The following IMMP2L variants were observed in gnomAD, a reference collection of about 807,000 sequenced individuals.
The protein encoded by IMMP2L is inner mitochondrial membrane peptidase subunit 2, also known as mitochondrial inner membrane protease subunit 2.
IMMP2L carries 18 observed loss-of-function variants against 19.3 expected under a neutral mutation model. The observed-to-expected ratio is 0.93, with a 90% CI of 0.64 to 1.38. The LOEUF is 1.38. Ranked by LOEUF, IMMP2L falls within the 40% of genes most tolerant of loss-of-function variation. The probability of loss-of-function intolerance (pLI) is 0.00; values close to 1 mark genes in which losing one functional copy is unlikely to be tolerated. For synonymous variants in IMMP2L, 76 were observed against 73.0 expected, an observed-to-expected ratio of 1.04 and a Z score of -0.21; for missense variants, 233 against 218.2, an observed-to-expected ratio of 1.07 and a Z score of -0.43.
At chr7:110,959,197 T>C (rs1044472168) in intron 4 of IMMP2L, among the ~76,000 whole-genome samples, 1 of 151,950 alleles carries the variant, frequency 6.6e-6, no homozygotes, top group African/African-American at 2.4e-5. Flanking sequence ...TTATGAAATA[T>C]CAAATTCTTT....
At chr7:111,440,525 C>T (rs62464573) in intron 3 of IMMP2L, among the ~76,000 whole-genome samples, 1,936 of 151,900 alleles carry the variant, frequency 0.013, 39 homozygotes, top group Admixed American at 0.025. Flanking sequence ...AAGAATGAGC[C>T]TAAAATATTC....
chr7:111,130,767 T>C (rs1188794810), intron 3 of IMMP2L, among the ~76,000 whole-genome samples: 1 of 152,094 alleles, frequency 6.6e-6, no homozygotes, highest in Non-Finnish European at 1.5e-5. Context: ...CAAATGGTCT[T>C]TCAAAAGAAT....
chr7:111,552,568 G>A (rs927369229), intron 1 of IMMP2L, among the ~76,000 whole-genome samples: 2 of 152,152 alleles, frequency 1.3e-5, no homozygotes, highest in African/African-American at 4.8e-5. Context: ...GATTACAGGT[G>A]TGAGCCACCA....
rs1841439220 is a variant in IMMP2L at position 111,473,364 on chromosome 7, C to T, written c.239+13874G>A. Among the ~76,000 whole-genome samples the T allele has an allele frequency of 2.0e-5, 3 of 151,994 alleles. No individual in the cohort carries two copies. The South Asian group carries it at 6.2e-4, about 32-fold the overall frequency. On this transcript the variant is annotated intron_variant, in intron 3 of 5. Coordinates refer to ENST00000405709, the MANE Select transcript of IMMP2L (RefSeq NM_032549.4). ...CTGGACTCCTATGTGGCAGCCTCCC[C>T]CAAAATACAAAATACAAAAAAATAC...
intron 3 of IMMP2L, among the ~76,000 whole-genome samples, chr7:111,399,933 C>T (rs1310764470): frequency 1.3e-5 from 2 of 151,822 alleles, no homozygotes; most frequent in Admixed American, 1.3e-4. Flanking sequence ...CTATGTAGAA[C>T]ACATCAATTA....
rs749316462 is a variant in IMMP2L, at chr7:110,963,584, A to T, written c.240-19T>A. The T allele has an allele frequency of 2.1e-6, 3 of 1,459,170 alleles. No individual in the cohort carries two copies. The highest frequency in any genetic ancestry group is 2.9e-6 in the Non-Finnish European group (3 of 1,046,848). The allele number at this position is 1,459,170 out of a possible 1,614,324, so 90.4% of individuals were successfully genotyped here. ...AGGAGACCTAGAACAAGAAGATAAC[A>T]TTATACAATCAGTTATGTCTATGTT... On this transcript the variant is annotated intron_variant, in intron 3 of 5. Coordinates refer to ENST00000405709, the MANE Select transcript of IMMP2L (RefSeq NM_032549.4).
intron 3 of IMMP2L, among the ~76,000 whole-genome samples, chr7:111,211,423 C>T (rs1266651085): frequency 6.6e-6 from 1 of 152,066 alleles, no homozygotes; most frequent in Non-Finnish European, 1.5e-5. Context: ...TTAAAGCATG[C>T]CGCAATTCAA....
intron 3 of IMMP2L, among the ~76,000 whole-genome samples, chr7:111,120,240 T>C (rs902520297): frequency 6.6e-6 from 1 of 152,012 alleles, no homozygotes; most frequent in Admixed American, 6.6e-5. Flanking sequence ...TAGAGACATA[T>C]CCAAGACTGA....
rs146235541 is a variant in IMMP2L, at chr7:111,345,307, T to C, written c.239+141931A>G. Among the ~76,000 whole-genome samples the C allele has an allele frequency of 4.5e-3, 689 of 152,236 alleles. 21 individuals carry two copies. Among genetic ancestry groups the C allele is most frequent in the Admixed American group, 0.039 (600 of 15,258 alleles). On this transcript the variant is annotated intron_variant, in intron 3 of 5. Transcript: ENST00000405709. ...TTGTGCTTCATTAGAAAGCTCAACA[T>C]GATCAGGTTCATTTCCTCTTGGTCA...
At chr7:111,151,486 G>C (rs1804066495) in intron 3 of IMMP2L, among the ~76,000 whole-genome samples, 1 of 152,074 alleles carries the variant, frequency 6.6e-6, no homozygotes. Context: ...ACGAGACAGA[G>C]ACATAAACTG....
Position 111,451,310 on chromosome 7 carries a change from C to G in IMMP2L, c.239+35928G>C, listed in dbSNP as rs1001150018. ...CACAATAGCAAAGACTTGGAACCAA[C>G]CCAAATGTCCAAGAATGATAGACTA... is the stretch of plus-strand genomic sequence containing the variant. On this transcript the variant is annotated intron_variant, in intron 3 of 5. Transcript: ENST00000405709. Among the ~76,000 whole-genome samples, 661 of 150,776 alleles carry G rather than the reference C, an allele frequency of 4.4e-3. 4 individuals carry two copies. The highest frequency in any genetic ancestry group is 0.016 in the African/African-American group (636 of 40,572).
intron 3 of IMMP2L, among the ~76,000 whole-genome samples, chr7:111,127,384 A>G (rs1801419911): frequency 6.6e-6 from 1 of 152,240 alleles, no homozygotes; most frequent in Non-Finnish European, 1.5e-5. Context: ...AACATATCAT[A>G]GCACTGGGAA....
intron 3 of IMMP2L, among the ~76,000 whole-genome samples, chr7:111,073,253 G>A (rs1312050996): frequency 6.6e-6 from 1 of 152,034 alleles, no homozygotes; most frequent in African/African-American, 2.4e-5. Context: ...CAGCCATATC[G>A]CTATATGTGT....
At chr7:110,967,167 C>T (rs1351010182) in intron 3 of IMMP2L, among the ~76,000 whole-genome samples, 1 of 151,992 alleles carries the variant, frequency 6.6e-6, no homozygotes, top group Non-Finnish European at 1.5e-5. Flanking sequence ...TGTGGTATGG[C>T]AGAGAATGTC....
chr7:110,899,874 T>C (rs1811691063), intron 4 of IMMP2L, among the ~76,000 whole-genome samples: 1 of 152,196 alleles, frequency 6.6e-6, no homozygotes, highest in African/African-American at 2.4e-5. Flanking sequence ...TTGTTTATCT[T>C]TGTATGTTTT....
At chr7:111,157,826 A>G (rs1804813811) in intron 3 of IMMP2L, among the ~76,000 whole-genome samples, 1 of 152,102 alleles carries the variant, frequency 6.6e-6, no homozygotes, top group Non-Finnish European at 1.5e-5. Flanking sequence ...ATATCAAACT[A>G]TCTCATGTGC....
At chr7:111,357,223 T>C (rs1327444638) in intron 3 of IMMP2L, among the ~76,000 whole-genome samples, 2 of 152,128 alleles carry the variant, frequency 1.3e-5, no homozygotes, top group African/African-American at 2.4e-5. Context: ...CGTCAAGATA[T>C]AAAACTCATT....
rs565906332 is a variant in IMMP2L at position 111,080,772 on chromosome 7, G to A, written c.240-117207C>T. Among the ~76,000 whole-genome samples, 3 of 152,178 alleles carry A rather than the reference G, an allele frequency of 2.0e-5. No homozygotes were observed. In the East Asian group the frequency reaches 5.8e-4, roughly 29 times the overall value. On this transcript the variant is annotated intron_variant, in intron 3 of 5. Transcript: ENST00000405709. ...TTACTAAATGCTTACTATACGCTAG[G>A]CATTGTGCTGAGGACCAGGAATACA...
intron 3 of IMMP2L, among the ~76,000 whole-genome samples, chr7:111,141,129 G>A (rs902199229): frequency 6.6e-6 from 1 of 152,178 alleles, no homozygotes; most frequent in Non-Finnish European, 1.5e-5. Flanking sequence ...AGGCTCTGGG[G>A]TGACTGGGGA....
Sources: allele counts gnomAD v4.1 joint callset (sites outside exome capture counted in the v4.1 genomes callset), GRCh38; gene constraint gnomAD v4.1.1; transcripts MANE v1.5; gene names NCBI Gene and HGNC (gene_info 2026-07-23, HGNC 2026-07-21).